Variants in SMC6 observed in about 807,000 individuals in gnomAD.
SMC6 encodes the protein structural maintenance of chromosomes protein 6.
A neutral mutation model predicts 142.2 loss-of-function variants in SMC6; 79 were observed. That is an observed-to-expected ratio of 0.56 (90% confidence interval 0.46 to 0.67). The LOEUF is 0.67. Ranked by LOEUF, SMC6 falls within the 30% of genes least tolerant of loss-of-function variation. The pLI is 0.00. For missense variants in SMC6, 1,072 were observed against 1,284.0 expected (o/e 0.83, Z 2.52); for synonymous variants, 411 against 412.4 (o/e 1.00, Z 0.04).
chr2:17,714,069 T>A (rs1426132093), intron 16 of SMC6, among the ~76,000 whole-genome samples: 1 of 149,732 alleles, frequency 6.7e-6, no homozygotes, highest in African/African-American at 2.5e-5. Flanking sequence ...AATAGATATA[T>A]ACATTCATTT....
chr2:17,752,207 C>A (rs1671078182), intron 2 of SMC6, among the ~76,000 whole-genome samples: 1 of 152,192 alleles, frequency 6.6e-6, no homozygotes, highest in Non-Finnish European at 1.5e-5. Context: ...TCCACAGATG[C>A]TCAAGTCCCT....
chr2:17,742,272 T>C (rs1401822067), intron 3 of SMC6, among the ~76,000 whole-genome samples: 4 of 152,232 alleles, frequency 2.6e-5, no homozygotes, highest in Non-Finnish European at 5.9e-5. Context: ...CTGAATTCAC[T>C]ATCTGACATT....
intron 1 of SMC6, 90 bp from the exon 2 acceptor site, chr2:17,753,154 A>G (rs1671149581): frequency 3.1e-6 from 1 of 327,126 alleles, no homozygotes; most frequent in Non-Finnish European, 4.4e-6. Flanking sequence ...TTTTCGTAAA[A>G]CTGGGCTTTA....
chr2:17,714,911 T>C lies in SMC6; in HGVS notation c.1680A>G (p.Pro560=). 6.2e-7 allele frequency: 1 copy of C among 1,613,502 alleles called. No homozygotes were observed. The highest frequency in any genetic ancestry group is 8.5e-7 in the Non-Finnish European group (1 of 1,179,814). The change falls in exon 16 of 28, where the codon CCA becomes CCG. Residue 560 remains proline (P), a synonymous_variant. Coordinates refer to ENST00000448223, the MANE Select transcript of SMC6 (RefSeq NM_001142286.2). Reference sequence around the variant, plus strand: ...TCCGAAACTCAGAAACTATTATCGGTGGCCGTGAGGTCCCTGGTAAATAAA... The same window carrying C: ...TCCGAAACTCAGAAACTATTATCGGCGGCCGTGAGGTCCCTGGTAAATAAA... ...KRFYLPGTSR[P]PIIVSEFRNE...
In SMC6 at chr2:17,698,603, C is replaced by A. The variant is rs1034830753; in HGVS notation, c.2394+1605G>T. 3.9e-5 allele frequency among the ~76,000 whole-genome samples: 6 copies of A among 152,138 alleles called. No individual in the cohort carries two copies. The Middle Eastern group carries it at 0.01, about 259-fold the overall frequency. ...TTTCCATCCTTTTACTTTCAACCTG[C>A]CTATATGGCTGTATTTGAAGTGAGC... On this transcript the variant is annotated intron_variant, in intron 21 of 27. Transcript: ENST00000448223.
At chr2:17,696,159 C>T (rs1207878991) in intron 22 of SMC6, 130 bp downstream of exon 22, 14 of 1,149,232 alleles carry the variant, frequency 1.2e-5, no homozygotes, top group Non-Finnish European at 1.7e-5. Flanking sequence ...ACCCAAACAC[C>T]TATTACTCTA....
At chr2:17,686,617 T>C (rs374676931) in intron 23 of SMC6, among the ~76,000 whole-genome samples, 9 of 152,122 alleles carry the variant, frequency 5.9e-5, no homozygotes, top group African/African-American at 1.9e-4. Flanking sequence ...AGGTACACAA[T>C]GCAGTTTATT....
intron 2 of SMC6, among the ~76,000 whole-genome samples, chr2:17,746,937 C>A (rs964178856): frequency 5.3e-5 from 8 of 152,104 alleles, no homozygotes; most frequent in African/African-American, 1.9e-4. Flanking sequence ...AAATATTAGA[C>A]CACAGCAACC....
chr2:17,748,097 G>A (rs1331107732), intron 2 of SMC6, among the ~76,000 whole-genome samples: 1 of 152,188 alleles, frequency 6.6e-6, no homozygotes, highest in Non-Finnish European at 1.5e-5. Context: ...CAGCTAGGAA[G>A]CAATAAAGTT....
intron 26 of SMC6, among the ~76,000 whole-genome samples, chr2:17,668,755 C>T (rs147620374): frequency 4.3e-4 from 66 of 152,110 alleles, no homozygotes; most frequent in African/African-American, 1.4e-3. Context: ...GGAGGGCATA[C>T]CAGGCAGAGG....
chr2:17,740,052 TG>T, intron 4 of SMC6, among the ~76,000 whole-genome samples: 1 of 152,336 alleles, frequency 6.6e-6, no homozygotes, highest in East Asian at 1.9e-4. Context: ...ATTTATTTCC[TG>T]GAATGCCTGT....
At chr2:17,728,153 T>C (rs1032296484) in intron 7 of SMC6, among the ~76,000 whole-genome samples, 2 of 152,234 alleles carry the variant, frequency 1.3e-5, no homozygotes, top group Non-Finnish European at 2.9e-5. Flanking sequence ...TTAAGAATCT[T>C]GGCCAGGCAC....
intron 26 of SMC6, among the ~76,000 whole-genome samples, chr2:17,667,118 TCTC>T (rs1252848887): frequency 1.3e-4 from 20 of 152,306 alleles, no homozygotes; most frequent in African/African-American, 4.8e-4. Flanking sequence ...CAGAAAATAT[TCTC>T]CTGACACAAC....
chr2:17,696,415 G>A lies in SMC6; in HGVS notation c.2406C>T (p.Asn802=). ...GGTTATCCACTTCAGAATCAGCAAGGTTTAATTCATCCTGTTTGAACAAAG... is the reference window on the plus strand; with the variant it reads ...GGTTATCCACTTCAGAATCAGCAAGATTTAATTCATCCTGTTTGAACAAAG... ...ELADPLKDEL[N]LADSEVDNQK... The change falls in exon 22 of 28, where the codon AAC becomes AAT. Residue 802 remains asparagine, a synonymous_variant. Coordinates refer to ENST00000448223, the MANE Select transcript of SMC6 (RefSeq NM_001142286.2). 1 of 1,604,002 alleles carries A rather than the reference G, an allele frequency of 6.2e-7. No individual in the cohort carries two copies. Among genetic ancestry groups the A allele is most frequent in the Non-Finnish European group, 8.5e-7 (1 of 1,177,338 alleles).
At chr2:17,752,366 AGTCTGT>A (rs1671086402) in intron 2 of SMC6, among the ~76,000 whole-genome samples, 1 of 152,266 alleles carries the variant, frequency 6.6e-6, no homozygotes, top group Non-Finnish European at 1.5e-5. Context: ...AACAAAAAAA[AGTCTGT>A]GCAACCATCC....
chr2:17,682,787 T>C (rs190911142), intron 24 of SMC6, among the ~76,000 whole-genome samples: 1 of 152,102 alleles, frequency 6.6e-6, no homozygotes, highest in African/African-American at 2.4e-5. Context: ...AAATGGGTCC[T>C]ATTTAATTCA....
intron 5 of SMC6, among the ~76,000 whole-genome samples, chr2:17,734,812 AT>A (rs1362913597): frequency 1.4e-4 from 22 of 152,012 alleles, no homozygotes; most frequent in African/African-American, 5.3e-4. Flanking sequence ...GCTCACTGCA[AT>A]CTCCGCCTCC....
chr2:17,711,046 G>GA (rs893059471), intron 16 of SMC6, among the ~76,000 whole-genome samples: 2 of 152,160 alleles, frequency 1.3e-5, no homozygotes, highest in African/African-American at 4.8e-5. Flanking sequence ...GAGTCTAAGA[G>GA]GGGAGGACGT....
intron 18 of SMC6, among the ~76,000 whole-genome samples, chr2:17,705,136 T>C (rs1303290344): frequency 6.6e-6 from 1 of 151,940 alleles, no homozygotes; most frequent in African/African-American, 2.4e-5. Context: ...CACGTGCCTG[T>C]AGTCCCAGCT....
Sources: gnomAD v4.1 joint callset for allele counts (sites outside exome capture counted in the v4.1 genomes callset) on GRCh38, gnomAD v4.1.1 for gene constraint, MANE v1.5 for transcripts, NCBI Gene and HGNC (gene_info 2026-07-23, HGNC 2026-07-21) for gene names.